The following NELL1 variants were observed in gnomAD, a reference collection of about 807,000 sequenced individuals.
NELL1 encodes neural EGFL like 1, also known as protein kinase C-binding protein NELL1.
In NELL1, 76 loss-of-function variants were observed where a neutral mutation model predicts 107.4. The observed-to-expected ratio is 0.71, with a 90% CI of 0.59 to 0.86. NELL1 has a LOEUF of 0.86. Among genes scored for constraint, NELL1 ranks in the 40% least tolerant of loss-of-function variants. The pLI, the probability that NELL1 is intolerant of heterozygous loss-of-function variation, is 0.00. For missense variants in NELL1, 1,024 were observed against 1,005.5 expected (o/e 1.02, Z -0.25); for synonymous variants, 353 against 341.2 (o/e 1.03, Z -0.38).
chr11:21,459,457 T>C (rs746466833), intron 15 of NELL1, among the ~76,000 whole-genome samples: 7 of 151,666 alleles, frequency 4.6e-5, no homozygotes, highest in African/African-American at 7.3e-5. Flanking sequence ...TTTTGTTTTA[T>C]AGGGAGGTGA....
At chr11:21,262,985 C>T (rs868860878) in intron 14 of NELL1, among the ~76,000 whole-genome samples, 8 of 151,806 alleles carry the variant, frequency 5.3e-5, no homozygotes, top group Admixed American at 2.0e-4. Context: ...CTGGAGACTT[C>T]GTTCACTTTA....
chr11:21,507,787 CTT>C (rs201588738), intron 15 of NELL1, among the ~76,000 whole-genome samples: 60 of 144,614 alleles, frequency 4.1e-4, no homozygotes, highest in Non-Finnish European at 7.6e-4. Flanking sequence ...CTTTTCTTTT[CTT>C]TTTTTTTTTT....
chr11:20,886,939 T>A (rs1242810376), intron 5 of NELL1, among the ~76,000 whole-genome samples: 1 of 152,226 alleles, frequency 6.6e-6, no homozygotes, highest in East Asian at 1.9e-4. Context: ...ATTATAATCA[T>A]CATTGTAATT....
intron 3 of NELL1, among the ~76,000 whole-genome samples, chr11:20,841,648 T>C (rs1848624930): frequency 6.6e-6 from 1 of 152,156 alleles, no homozygotes; most frequent in Non-Finnish European, 1.5e-5. Context: ...GAGGTGGATC[T>C]CTTTTAGCCA....
At chr11:21,561,334 G>A (rs898998711) in intron 17 of NELL1, among the ~76,000 whole-genome samples, 1 of 152,018 alleles carries the variant, frequency 6.6e-6, no homozygotes, top group Non-Finnish European at 1.5e-5. Context: ...CTAGTTAGGA[G>A]GGCCACATTA....
At chr11:20,753,189 C>G (rs1413187495) in intron 2 of NELL1, among the ~76,000 whole-genome samples, 2 of 152,184 alleles carry the variant, frequency 1.3e-5, no homozygotes, top group African/African-American at 4.8e-5. Context: ...CATCCAACTT[C>G]TATGCTATAA....
chr11:21,341,463 C>G (rs1401973357), intron 14 of NELL1, among the ~76,000 whole-genome samples: 1 of 152,166 alleles, frequency 6.6e-6, no homozygotes, highest in Non-Finnish European at 1.5e-5. Context: ...ATAGGAAACT[C>G]AGGCATTTGT....
chr11:20,811,100 G>A (rs1283625754), intron 3 of NELL1, among the ~76,000 whole-genome samples: 1 of 152,056 alleles, frequency 6.6e-6, no homozygotes, highest in Admixed American at 6.6e-5. Context: ...TTTCTCACGT[G>A]TTTTCTTTTA....
chr11:20,809,599 C>A (rs1212711625), intron 3 of NELL1, among the ~76,000 whole-genome samples: 2 of 152,100 alleles, frequency 1.3e-5, no homozygotes, highest in African/African-American at 4.8e-5. Flanking sequence ...TTTTTAGATT[C>A]TACATGTAAG....
At chr11:21,567,760 T>C (rs892979763) in intron 17 of NELL1, among the ~76,000 whole-genome samples, 1 of 151,830 alleles carries the variant, frequency 6.6e-6, no homozygotes, top group African/African-American at 2.4e-5. Context: ...AGTTTTCAGA[T>C]GTCACTAAGC....
At chr11:21,287,873 T>C (rs748088530) in intron 14 of NELL1, among the ~76,000 whole-genome samples, 5 of 152,124 alleles carry the variant, frequency 3.3e-5, no homozygotes, top group Middle Eastern at 3.4e-3. Flanking sequence ...TCGTTAACTT[T>C]ACTGTACAAT....
chr11:21,214,997 T>A (rs1397439390), intron 13 of NELL1, among the ~76,000 whole-genome samples: 1 of 152,180 alleles, frequency 6.6e-6, no homozygotes. Context: ...TCTTCTGATT[T>A]TGATATTGTA....
intron 12 of NELL1, among the ~76,000 whole-genome samples, chr11:20,994,200 C>T (rs1011606694): frequency 2.6e-5 from 4 of 152,174 alleles, no homozygotes; most frequent in African/African-American, 9.7e-5. Context: ...AACACATACA[C>T]CTATTTCCTC....
At chr11:21,023,654 G>A (rs1418020360) in intron 12 of NELL1, among the ~76,000 whole-genome samples, 2 of 151,962 alleles carry the variant, frequency 1.3e-5, no homozygotes, top group African/African-American at 4.8e-5. Context: ...CTTCCTGCAT[G>A]TCTTACTACT....
At chr11:21,574,915 A>G in intron 19 of NELL1, 57 bp from the exon 20 acceptor site, 1 of 1,449,048 alleles carries the variant, frequency 6.9e-7, no homozygotes, top group Non-Finnish European at 9.7e-7. Context: ...AAAATTGCAG[A>G]CTGCTAATTT....
intron 12 of NELL1, among the ~76,000 whole-genome samples, chr11:21,018,541 T>TTCAGAGAGAGAGACAGAGC (rs1216006507): frequency 6.6e-6 from 1 of 152,104 alleles, no homozygotes; most frequent in Non-Finnish European, 1.5e-5. Context: ...TATCTAATTC[T>TTCAGAGAGAGAGACAGAGC]TCAGAGAGAG....
intron 2 of NELL1, among the ~76,000 whole-genome samples, chr11:20,700,503 T>C (rs1854749791): frequency 6.6e-6 from 1 of 151,624 alleles, no homozygotes; most frequent in African/African-American, 2.4e-5. Flanking sequence ...AAAAAAAATA[T>C]ATATATTTCA....
intron 14 of NELL1, among the ~76,000 whole-genome samples, chr11:21,290,245 T>G (rs895916739): frequency 1.3e-5 from 2 of 151,938 alleles, no homozygotes; most frequent in Admixed American, 1.3e-4. Context: ...GGTGGGTGCC[T>G]GTAGTCCCAG....
chr11:20,928,552 G>T, intron 9 of NELL1, 73 bp downstream of exon 9: 1 of 1,179,646 alleles, frequency 8.5e-7, no homozygotes, highest in Non-Finnish European at 1.3e-6. Context: ...CTGTTTTTCT[G>T]GACTCAACTG....
Sources: gnomAD v4.1 joint callset for allele counts (sites outside exome capture counted in the v4.1 genomes callset) on GRCh38, gnomAD v4.1.1 for gene constraint, MANE v1.5 for transcripts, NCBI Gene and HGNC (gene_info 2026-07-23, HGNC 2026-07-21) for gene names.